Variants in DYTN observed in about 807,000 individuals in gnomAD.
The protein encoded by DYTN is dystrotelin.
A neutral mutation model predicts 69.6 loss-of-function variants in DYTN; 75 were observed. That is an observed-to-expected ratio of 1.08 (90% CI 0.89 to 1.31). The LOEUF is 1.31. Ranked by LOEUF, DYTN falls within the 50% of genes most tolerant of loss-of-function variation. DYTN has a pLI of 0.00. For missense variants in DYTN, 726 were observed against 688.4 expected (o/e 1.05, Z -0.61); for synonymous variants, 252 against 249.1 (o/e 1.01, Z -0.11).
At chr2:206,697,395 A>T (rs1485575615) in intron 7 of DYTN, among the ~76,000 whole-genome samples, 1 of 152,070 alleles carries the variant, frequency 6.6e-6, no homozygotes, top group African/African-American at 2.4e-5. Flanking sequence ...TGGTCTTTGC[A>T]CCTTCTCTTT....
chr2:206,697,283 C>T (rs1437215138), intron 7 of DYTN, among the ~76,000 whole-genome samples: 3 of 152,066 alleles, frequency 2.0e-5, no homozygotes, highest in Non-Finnish European at 4.4e-5. Context: ...AGTATAGAAC[C>T]CAGGTTTTCT....
chr2:206,689,648 G>T (rs1180351005), intron 9 of DYTN, among the ~76,000 whole-genome samples: 1 of 152,142 alleles, frequency 6.6e-6, no homozygotes, highest in African/African-American at 2.4e-5. Context: ...CCAATTAACA[G>T]GTAAAGAAAC....
At chr2:206,659,566 A>G (rs1249394940) in intron 11 of DYTN, among the ~76,000 whole-genome samples, 1 of 151,062 alleles carries the variant, frequency 6.6e-6, no homozygotes, top group Non-Finnish European at 1.5e-5. Flanking sequence ...CATCCATGAT[A>G]GAGATAGAGG....
chr2:206,714,217 T>C (rs1387850549), intron 1 of DYTN, among the ~76,000 whole-genome samples: 1 of 152,234 alleles, frequency 6.6e-6, no homozygotes, highest in Non-Finnish European at 1.5e-5. Flanking sequence ...TCTTTTCTTT[T>C]TTGTTTTGAG....
At chr2:206,705,703 G>A in intron 4 of DYTN, 85 bp downstream of exon 4, 1 of 1,167,632 alleles carries the variant, frequency 8.6e-7, no homozygotes, top group Admixed American at 2.0e-5. Context: ...ATGCTGAAGA[G>A]GCCTTGTGGC....
intron 1 of DYTN, among the ~76,000 whole-genome samples, chr2:206,711,552 CTT>C (rs150580072): frequency 2.0e-5 from 3 of 151,322 alleles, no homozygotes; most frequent in African/African-American, 7.3e-5. Context: ...TCTTACCTTT[CTT>C]TTTTTTGTTG....
At chr2:206,696,256 A>C (rs1699918621) in intron 7 of DYTN, among the ~76,000 whole-genome samples, 1 of 152,232 alleles carries the variant, frequency 6.6e-6, no homozygotes. Flanking sequence ...AAGGGTTTAG[A>C]GGACATAAAA....
At chr2:206,674,408 T>C (rs1189321273) in intron 9 of DYTN, among the ~76,000 whole-genome samples, 2 of 152,156 alleles carry the variant, frequency 1.3e-5, no homozygotes, top group African/African-American at 4.8e-5. Flanking sequence ...GAAGAAAGCA[T>C]GAAGAGACTA....
chr2:206,684,993 T>C (rs1023989272), intron 9 of DYTN, among the ~76,000 whole-genome samples: 6 of 152,158 alleles, frequency 3.9e-5, no homozygotes, highest in African/African-American at 1.4e-4. Context: ...ATTGAAGGCA[T>C]GTAATGTAGG....
At chr2:206,679,093 C>A (rs1031624963) in intron 9 of DYTN, 1 of 152,146 alleles carries the variant, frequency 6.6e-6, no homozygotes, top group African/African-American at 2.4e-5. Flanking sequence ...TTGGAGGCAC[C>A]TGTGGCTGCT....
intron 9 of DYTN, among the ~76,000 whole-genome samples, chr2:206,678,340 A>G (rs1699714835): frequency 6.6e-6 from 1 of 152,234 alleles, no homozygotes; most frequent in Non-Finnish European, 1.5e-5. Flanking sequence ...AAGGTGCTAC[A>G]TTCACTAGAA....
chr2:206,711,589 C>CT (rs943271406), intron 1 of DYTN, among the ~76,000 whole-genome samples: 16 of 151,168 alleles, frequency 1.1e-4, no homozygotes, highest in Non-Finnish European at 1.6e-4. Context: ...TTTTACTTTT[C>CT]TTTTTTTTAT....
chr2:206,659,497 A>AC (rs1699485271), intron 11 of DYTN, among the ~76,000 whole-genome samples: 1 of 150,372 alleles, frequency 6.7e-6, no homozygotes, highest in African/African-American at 2.4e-5. Flanking sequence ...AAAAAAAAAA[A>AC]AAAAAAAAAA....
intron 9 of DYTN, chr2:206,679,100 T>G (rs1471164792): frequency 6.6e-6 from 1 of 152,214 alleles, no homozygotes; most frequent in African/African-American, 2.4e-5. Flanking sequence ...CACCTGTGGC[T>G]GCTGTTTCCA....
chr2:206,690,870 G>A lies in DYTN; in HGVS notation c.980+2305C>T, dbSNP rs75181402. ...TAGTCATATGTGAGGCAGAATCAGG[G>A]CTGGAACACAGAGACTGTGGAGGAG... On this transcript the variant is annotated intron_variant, in intron 9 of 11. Transcript: ENST00000452335. Among the ~76,000 whole-genome samples the A allele has an allele frequency of 2.6e-5, 4 of 152,322 alleles. 1 individual carries two copies. The East Asian group carries it at 7.7e-4, about 29-fold the overall frequency.
chr2:206,671,684 G>GA (rs777114616), intron 9 of DYTN, among the ~76,000 whole-genome samples: 4 of 152,086 alleles, frequency 2.6e-5, no homozygotes, highest in Non-Finnish European at 4.4e-5. Flanking sequence ...GGAGAACAAT[G>GA]AAAAACCTTA....
chr2:206,683,448 A>C (rs770935286), intron 9 of DYTN, among the ~76,000 whole-genome samples: 3 of 143,980 alleles, frequency 2.1e-5, no homozygotes, highest in Non-Finnish European at 4.5e-5. Context: ...GGTTCAAGTG[A>C]TTCTCCTGCC....
chr2:206,652,782 A>G (rs1699402193), intron 11 of DYTN, among the ~76,000 whole-genome samples: 1 of 152,182 alleles, frequency 6.6e-6, no homozygotes, highest in Non-Finnish European at 1.5e-5. Flanking sequence ...TGCATAGAAA[A>G]TGGTTTGAAG....
intron 7 of DYTN, among the ~76,000 whole-genome samples, chr2:206,699,426 C>T (rs1699952946): frequency 6.6e-6 from 1 of 152,112 alleles, no homozygotes; most frequent in African/African-American, 2.4e-5. Context: ...GAGACCCTGT[C>T]TCTAAAAACA....
Sources: gnomAD v4.1 joint callset for allele counts (sites outside exome capture counted in the v4.1 genomes callset) on GRCh38, gnomAD v4.1.1 for gene constraint, MANE v1.5 for transcripts, NCBI Gene and HGNC (gene_info 2026-07-23, HGNC 2026-07-21) for gene names.